NCAM2: variants seen among roughly 807,000 people sequenced by gnomAD.
NCAM2 encodes N-CAM-2.
In NCAM2, 30 loss-of-function variants were observed where a neutral mutation model predicts 98.1. The ratio of observed to expected loss-of-function variants is 0.31; its 90% CI spans 0.23 to 0.41. The LOEUF (loss-of-function observed/expected upper bound fraction) is 0.41. Ranked by LOEUF, NCAM2 falls within the 10% of genes least tolerant of loss-of-function variation. The pLI is 1.00. For synonymous variants in NCAM2, 368 were observed against 342.4 expected (o/e 1.07, Z -0.83); for missense variants, 867 against 1,005.8 (o/e 0.86, Z 1.87).
At chr21:21,101,468 A>G (rs911379919) in intron 1 of NCAM2, among the ~76,000 whole-genome samples, 1 of 152,098 alleles carries the variant, frequency 6.6e-6, no homozygotes, top group African/African-American at 2.4e-5. Context: ...CTCTCATAAG[A>G]ATCAAGGTAG....
chr21:21,068,072 A>G (rs1158246086), intron 1 of NCAM2, among the ~76,000 whole-genome samples: 1 of 152,154 alleles, frequency 6.6e-6, no homozygotes, highest in Non-Finnish European at 1.5e-5. Flanking sequence ...CTTTTTGTGA[A>G]AGATGTACAT....
chr21:21,474,114 A>G (rs1371390046), intron 14 of NCAM2, among the ~76,000 whole-genome samples: 1 of 151,992 alleles, frequency 6.6e-6, no homozygotes, highest in Non-Finnish European at 1.5e-5. Flanking sequence ...TAGACACTCT[A>G]CAGATATGCA....
chr21:21,266,833 C>A (rs1359185574), intron 1 of NCAM2, among the ~76,000 whole-genome samples: 2 of 152,042 alleles, frequency 1.3e-5, no homozygotes, highest in African/African-American at 4.8e-5. Flanking sequence ...AACAAACCTG[C>A]ACGTTGTGCA....
intron 14 of NCAM2, among the ~76,000 whole-genome samples, chr21:21,476,624 C>A (rs553681603): frequency 6.6e-6 from 1 of 151,852 alleles, no homozygotes; most frequent in Non-Finnish European, 1.5e-5. Context: ...AAGGGAAATT[C>A]AAATGTCATA....
chr21:21,474,518 G>A (rs1463109194), intron 14 of NCAM2, among the ~76,000 whole-genome samples: 2 of 151,228 alleles, frequency 1.3e-5, no homozygotes, highest in Non-Finnish European at 2.9e-5. Context: ...TTTTTTCTGG[G>A]GTAATTAAGG....
At chr21:21,169,677 G>T (rs1338145394) in intron 1 of NCAM2, among the ~76,000 whole-genome samples, 3 of 152,182 alleles carry the variant, frequency 2.0e-5, no homozygotes, top group Non-Finnish European at 4.4e-5. Flanking sequence ...AGCCAGGCAT[G>T]GTGGCTCATG....
At chr21:21,441,500 A>G (rs968714401) in intron 12 of NCAM2, among the ~76,000 whole-genome samples, 1 of 152,346 alleles carries the variant, frequency 6.6e-6, no homozygotes, top group East Asian at 1.9e-4. Context: ...GACTATATCA[A>G]TGAATGAAAC....
chr21:21,294,847 C>G (rs2073420681), intron 5 of NCAM2, among the ~76,000 whole-genome samples: 2 of 150,846 alleles, frequency 1.3e-5, no homozygotes, highest in Admixed American at 6.6e-5. Flanking sequence ...TATTATGCCT[C>G]TTTTATAAAA....
intron 1 of NCAM2, among the ~76,000 whole-genome samples, chr21:21,034,423 A>T (rs1024437554): frequency 2.6e-5 from 4 of 152,072 alleles, no homozygotes; most frequent in African/African-American, 9.7e-5. Context: ...TGCACTTTGA[A>T]TCAGGTATTC....
At chr21:21,297,536 G>T (rs188204502) in intron 5 of NCAM2, among the ~76,000 whole-genome samples, 223 of 151,750 alleles carry the variant, frequency 1.5e-3, no homozygotes, top group African/African-American at 5.3e-3. Flanking sequence ...TGACTGAATT[G>T]ATTGGCTACC....
intron 8 of NCAM2, among the ~76,000 whole-genome samples, chr21:21,355,628 T>A (rs918374045): frequency 6.6e-6 from 1 of 151,680 alleles, no homozygotes; most frequent in Non-Finnish European, 1.5e-5. Context: ...ATTATTATTA[T>A]TATTTAAGGC....
At chr21:21,246,818 A>G (rs1458964401) in intron 1 of NCAM2, among the ~76,000 whole-genome samples, 1 of 152,162 alleles carries the variant, frequency 6.6e-6, no homozygotes, top group Non-Finnish European at 1.5e-5. Flanking sequence ...ATATTTTTCT[A>G]TCTTCTGAAG....
intron 1 of NCAM2, among the ~76,000 whole-genome samples, chr21:21,090,552 G>A (rs2065991929): frequency 6.6e-6 from 1 of 152,106 alleles, no homozygotes. Flanking sequence ...GCCTATTTTA[G>A]CTATAATGCT....
intron 1 of NCAM2, among the ~76,000 whole-genome samples, chr21:21,205,365 G>C (rs762146338): frequency 6.6e-6 from 1 of 152,100 alleles, no homozygotes; most frequent in Non-Finnish European, 1.5e-5. Context: ...GGATACTACT[G>C]CGTACCAGTG....
intron 1 of NCAM2, among the ~76,000 whole-genome samples, chr21:21,190,724 T>G (rs1183903784): frequency 6.6e-6 from 1 of 152,180 alleles, no homozygotes; most frequent in African/African-American, 2.4e-5. Context: ...GCTCTACTGT[T>G]TACTCACAGG....
intron 14 of NCAM2, among the ~76,000 whole-genome samples, chr21:21,473,393 T>TATATATAA (rs1555903518): frequency 7.9e-6 from 1 of 126,260 alleles, no homozygotes; most frequent in Non-Finnish European, 1.7e-5. Flanking sequence ...TATATATATA[T>TATATATAA]TATATATAAA....
At chr21:20,999,350 C>G (rs2063977322) in intron 1 of NCAM2, among the ~76,000 whole-genome samples, 1 of 140,806 alleles carries the variant, frequency 7.1e-6, no homozygotes, top group African/African-American at 3.0e-5. Context: ...GCTTTTATCT[C>G]TTAAAAAAAA....
At chr21:21,389,012 A>T (rs2076327105) in intron 9 of NCAM2, among the ~76,000 whole-genome samples, 1 of 152,218 alleles carries the variant, frequency 6.6e-6, no homozygotes, top group South Asian at 2.1e-4. Flanking sequence ...TGTAATCCTC[A>T]AATCTGGGTA....
rs1287157968 is a variant in NCAM2, at chr21:21,244,386, C to G, written c.56-36192C>G. On this transcript the variant is annotated intron_variant, in intron 1 of 17. Coordinates refer to ENST00000400546, the MANE Select transcript of NCAM2 (RefSeq NM_004540.5). Reference sequence around the variant, plus strand: ...CACAATTTATGCATATTCTAATAAACCCATCATAAACTCTCAGGTACCTTG... The same window carrying G: ...CACAATTTATGCATATTCTAATAAAGCCATCATAAACTCTCAGGTACCTTG... Among the ~76,000 whole-genome samples, 5 of 152,100 alleles carry G rather than the reference C, an allele frequency of 3.3e-5. No individual in the cohort carries two copies. The East Asian group carries it at 7.7e-4, about 23-fold the overall frequency.
Sources: allele counts gnomAD v4.1 joint callset (sites outside exome capture counted in the v4.1 genomes callset), GRCh38; gene constraint gnomAD v4.1.1; transcripts MANE v1.5; gene names NCBI Gene and HGNC (gene_info 2026-07-23, HGNC 2026-07-21).